MBNL3: variants seen among roughly 807,000 people sequenced by gnomAD.
MBNL3 encodes muscleblind like splicing regulator 3, also known as muscleblind-like protein 3.
A neutral mutation model predicts 24.5 loss-of-function variants in MBNL3; 6 were observed. That is an observed-to-expected ratio of 0.25 (90% CI 0.13 to 0.48). MBNL3 has a LOEUF of 0.48. Among genes scored for constraint, MBNL3 ranks in the 20% least tolerant of loss-of-function variants. MBNL3 has a pLI of 0.99. For synonymous variants in MBNL3, 100 were observed against 101.7 expected (o/e 0.98, Z 0.10); for missense variants, 230 against 293.5 (o/e 0.78, Z 1.58).
chrX:132,411,430 G>A (rs760862286), intron 2 of MBNL3: 102 of 751,026 alleles, frequency 1.4e-4, no homozygotes, highest in Non-Finnish European at 1.5e-4. Context: ...AAGATAACTT[G>A]ATTCCCAGGA....
chrX:132,396,921 T>TATTCATATATAC (rs1418145609), intron 3 of MBNL3, among the ~76,000 whole-genome samples: 10,136 of 66,299 alleles, frequency 0.15, 1,162 homozygotes, highest in African/African-American at 0.23. Flanking sequence ...TATACATATA[T>TATTCATATATAC]ATTCATATAT....
chrX:132,466,173 A>T (rs1263481802), intron 1 of MBNL3, among the ~76,000 whole-genome samples: 1 of 112,612 alleles, frequency 8.9e-6, no homozygotes, highest in Admixed American at 9.4e-5. Flanking sequence ...AGTGATTTGT[A>T]AAACGTTGTT....
intron 1 of MBNL3, among the ~76,000 whole-genome samples, chrX:132,483,091 G>A (rs914119140): frequency 1.2e-4 from 13 of 112,338 alleles, no homozygotes; most frequent in Non-Finnish European, 2.3e-4. Flanking sequence ...AAAGGAGTTG[G>A]GAGTTTAATT....
chrX:132,435,040 T>C (rs1945040080), intron 2 of MBNL3, among the ~76,000 whole-genome samples: 1 of 111,522 alleles, frequency 9.0e-6, no homozygotes, highest in African/African-American at 3.3e-5. Context: ...CTAAAATTAT[T>C]AATATTTCAA....
At chrX:132,388,918 G>A (rs1441100147) in intron 5 of MBNL3, among the ~76,000 whole-genome samples, 2 of 110,210 alleles carry the variant, frequency 1.8e-5, no homozygotes, top group Non-Finnish European at 3.8e-5. Flanking sequence ...AAATTCTTAT[G>A]AGCCAACTTG....
rs1001314116 is a variant in MBNL3, at chrX:132,379,357, C to T, written c.*309G>A. The T allele has an allele frequency of 3.1e-5, 7 of 228,779 alleles. No homozygotes were observed. Among genetic ancestry groups the T allele is most frequent in the Non-Finnish European group, 5.5e-5 (7 of 127,400 alleles). The allele number at this position is 228,779 out of a possible 1,213,427, so 18.9% of individuals were successfully genotyped here. The stretch of plus-strand genomic sequence containing the variant: ...AAGCTCACTGTGGAAATACACTTAG[C>T]ATGGTTATTAGAAAATCACAAAGAG... On this transcript the variant is annotated 3_prime_UTR_variant, in exon 9 of 9. Coordinates refer to ENST00000370853, the MANE Select transcript of MBNL3 (RefSeq NM_001386889.1).
chrX:132,376,794 C>T lies in MBNL3; in HGVS notation c.*2872G>A, dbSNP rs1371397744. The T allele has an allele frequency of 9.0e-6, 1 of 111,489 alleles. No individual in the cohort carries two copies. Among genetic ancestry groups the T allele is most frequent in the Non-Finnish European group, 1.9e-5 (1 of 52,937 alleles). 9.2% of individuals were successfully genotyped at this position (111,489 alleles called of 1,213,427 possible). A position where few individuals can be genotyped will look rare whatever the true frequency, so the allele number is the denominator to read the frequency against. ...CATTGCACATCTAGTTTAAAGAGTGCTATCTTAAAATTGTATTTTTTTCTG... is the reference window on the plus strand; with the variant it reads ...CATTGCACATCTAGTTTAAAGAGTGTTATCTTAAAATTGTATTTTTTTCTG... On this transcript the variant is annotated 3_prime_UTR_variant, in exon 9 of 9. Coordinates refer to ENST00000370853, the MANE Select transcript of MBNL3 (RefSeq NM_001386889.1).
At chrX:132,379,749 G>T in intron 8 of MBNL3, 72 bp from the exon 9 acceptor site, 1 of 859,890 alleles carries the variant, frequency 1.2e-6, no homozygotes, top group Non-Finnish European at 1.7e-6. Context: ...AGAGTCAGGA[G>T]AGTGTGGTGG....
intron 1 of MBNL3, among the ~76,000 whole-genome samples, chrX:132,449,272 A>G (rs1309527193): frequency 9.0e-6 from 1 of 110,719 alleles, no homozygotes; most frequent in Non-Finnish European, 1.9e-5. Flanking sequence ...TCAGAGTCTA[A>G]GTCTCTTTGT....
chrX:132,384,127 A>G (rs1935551795), intron 7 of MBNL3, among the ~76,000 whole-genome samples: 1 of 112,033 alleles, frequency 8.9e-6, no homozygotes, highest in Non-Finnish European at 1.9e-5. Context: ...TGTTGTGCCT[A>G]GCTTCTGTGC....
At chrX:132,407,019 A>C (rs1309258683) in intron 2 of MBNL3, among the ~76,000 whole-genome samples, 2 of 111,905 alleles carry the variant, frequency 1.8e-5, no homozygotes, top group Non-Finnish European at 3.8e-5. Flanking sequence ...TGGGGAGCAA[A>C]AGGGCAACTT....
At chrX:132,414,339 T>A (rs1943100426) in intron 2 of MBNL3, among the ~76,000 whole-genome samples, 1 of 112,115 alleles carries the variant, frequency 8.9e-6, no homozygotes, top group African/African-American at 3.2e-5. Context: ...TCAGAAATAG[T>A]AAAATTGTAC....
In MBNL3 at chrX:132,401,518, GGAT is replaced by G. The variant is rs773019008; in HGVS notation, c.342+4707_342+4709del. 9.2e-5 allele frequency among the ~76,000 whole-genome samples: 10 copies of G among 108,780 alleles called. No individual in the cohort carries two copies. The South Asian group carries it at 4.1e-3, about 44-fold the overall frequency. 94.5% of individuals were successfully genotyped at this position (108,780 alleles called of 115,157 possible). On this transcript the variant is annotated intron_variant, in intron 3 of 8. Transcript: ENST00000370853. Reference sequence around the variant, plus strand: ...CCCAGCTACTCAGGAGGATGGGGCAGGATGATGACTTGACCCCACAAGTCTGCA... The same window carrying G: ...CCCAGCTACTCAGGAGGATGGGGCAGGATGACTTGACCCCACAAGTCTGCA...
intron 2 of MBNL3, among the ~76,000 whole-genome samples, chrX:132,425,039 T>C (rs909437547): frequency 8.9e-6 from 1 of 112,299 alleles, no homozygotes; most frequent in African/African-American, 3.2e-5. Flanking sequence ...GTCACAATTA[T>C]GGAAATCATT....
intron 3 of MBNL3, among the ~76,000 whole-genome samples, chrX:132,402,711 A>G (rs1396741426): frequency 2.7e-5 from 3 of 111,930 alleles, no homozygotes; most frequent in African/African-American, 9.8e-5. Flanking sequence ...AGACCTGTTT[A>G]ATAGAGTGAA....
Position 132,454,226 on chromosome X carries a change from AACACACAC to A in MBNL3, c.-703-13920_-703-13913del, listed in dbSNP as rs762548671. On this transcript the variant is annotated intron_variant, in intron 1 of 8. Transcript: ENST00000370853. ...CATTCACTGTTCACCTCCCCATACC[AACACACAC>A]ACACACACACACATACACACACACA... Among the ~76,000 whole-genome samples the A allele has an allele frequency of 1.2e-4, 13 of 106,488 alleles. No individual in the cohort carries two copies. In the South Asian group the frequency reaches 1.6e-3, roughly 13 times the overall value. The allele number at this position is 106,488 out of a possible 115,157, so 92.5% of individuals were successfully genotyped here. A position where few individuals can be genotyped will look rare whatever the true frequency, so the allele number is the denominator to read the frequency against.
rs1933809846 is a variant in MBNL3, at chrX:132,373,354, G to A, written c.*6312C>T. On this transcript the variant is annotated 3_prime_UTR_variant, in exon 9 of 9. Coordinates refer to ENST00000370853, the MANE Select transcript of MBNL3 (RefSeq NM_001386889.1). The stretch of plus-strand genomic sequence containing the variant: ...GGGAAATTATGTTGGAGATAAGGCT[G>A]AAGTTGGAGTTCCTAACTACAGAAT... The A allele has an allele frequency of 8.9e-6, 1 of 111,794 alleles. No homozygotes were observed. Among genetic ancestry groups the A allele is most frequent in the African/African-American group, 3.2e-5 (1 of 30,842 alleles). The allele number at this position is 111,794 out of a possible 1,213,427, so 9.2% of individuals were successfully genotyped here. A position where few individuals can be genotyped will look rare whatever the true frequency, so the allele number is the denominator to read the frequency against.
chrX:132,392,333 C>A lies in MBNL3; in HGVS notation c.344G>T (p.Gly115Val), dbSNP rs143863668. The A allele has an allele frequency of 5.2e-5, 62 of 1,181,772 alleles. No homozygotes were observed. The African/African-American group carries it at 9.1e-4, about 17-fold the overall frequency. The change falls in exon 4 of 9, where the codon GGT becomes GTT. Residue 115 changes from glycine (G) to valine (V), a missense_variant and splice_region_variant. Coordinates refer to ENST00000370853, the MANE Select transcript of MBNL3 (RefSeq NM_001386889.1). ...AATTGATGGAGTCATAGGAAAAGAA[C>A]CCTGTATGTTTAAAAGAGAAAAAAA... ...MLQNAQMSSL[G>V]SFPMTPSIPA...
chrX:132,450,002 T>C (rs1460410811), intron 1 of MBNL3, among the ~76,000 whole-genome samples: 1 of 44,230 alleles, frequency 2.3e-5, no homozygotes, highest in Non-Finnish European at 4.4e-5. Flanking sequence ...CCGCCACTTC[T>C]GGCTTGTAGG....
Sources: gnomAD v4.1 joint callset for allele counts (sites outside exome capture counted in the v4.1 genomes callset) on GRCh38, gnomAD v4.1.1 for gene constraint, MANE v1.5 for transcripts, NCBI Gene and HGNC (gene_info 2026-07-23, HGNC 2026-07-21) for gene names.